The following PDE4D variants were observed in gnomAD, a reference collection of about 807,000 sequenced individuals.
PDE4D encodes the protein phosphodiesterase 4D.
Under a neutral mutation model 87.4 loss-of-function variants are expected in PDE4D, and 24 were observed. That is an observed-to-expected ratio of 0.27 (90% CI 0.20 to 0.39). The LOEUF (loss-of-function observed/expected upper bound fraction) is 0.39. PDE4D is among the 10% of genes least tolerant of loss of function. PDE4D has a pLI of 1.00. For missense variants in PDE4D, 714 were observed against 1,041.0 expected (o/e 0.69, Z 4.32); for synonymous variants, 384 against 383.2 (o/e 1.00, Z -0.02).
chr5:60,290,775 C>T (rs1409205155), intron 1 of PDE4D, among the ~76,000 whole-genome samples: 1 of 152,066 alleles, frequency 6.6e-6, no homozygotes, highest in East Asian at 1.9e-4. Flanking sequence ...CACTGCACTG[C>T]AGCCTAGGCA....
chr5:59,056,475 C>T (rs1762383408), intron 5 of PDE4D, among the ~76,000 whole-genome samples: 1 of 152,000 alleles, frequency 6.6e-6, no homozygotes, highest in South Asian at 2.1e-4. Flanking sequence ...GATACATGTG[C>T]AGAACGTGCA....
chr5:60,124,008 C>A (rs1170506804), intron 2 of PDE4D, among the ~76,000 whole-genome samples: 1 of 151,872 alleles, frequency 6.6e-6, no homozygotes, highest in Non-Finnish European at 1.5e-5. Context: ...TTTCAAATTC[C>A]CATGGTGGTA....
chr5:60,496,952 T>C (rs1341297185), intron 1 of PDE4D, among the ~76,000 whole-genome samples: 2 of 152,236 alleles, frequency 1.3e-5, no homozygotes, highest in African/African-American at 4.8e-5. Flanking sequence ...ATCATTTTAT[T>C]GACTATGCAG....
At chr5:59,656,278 TCACATATATA>T (rs1744344621) in intron 1 of PDE4D, among the ~76,000 whole-genome samples, 2 of 152,020 alleles carry the variant, frequency 1.3e-5, no homozygotes, top group South Asian at 4.2e-4. Context: ...TACAATAAAC[TCACATATATA>T]CACACTCACA....
chr5:59,688,957 C>G (rs189777956), intron 1 of PDE4D, among the ~76,000 whole-genome samples: 15 of 152,292 alleles, frequency 9.8e-5, no homozygotes, highest in Non-Finnish European at 1.8e-4. Flanking sequence ...TGCAAATAAA[C>G]TAGAAAATCT....
intron 2 of PDE4D, among the ~76,000 whole-genome samples, chr5:60,119,195 T>C (rs1778438977): frequency 1.3e-5 from 2 of 152,200 alleles, no homozygotes; most frequent in African/African-American, 4.8e-5. Context: ...ATATTAACCT[T>C]ATGCTCACAT....
chr5:59,564,441 A>G (rs1208252867), intron 1 of PDE4D, among the ~76,000 whole-genome samples: 1 of 152,198 alleles, frequency 6.6e-6, no homozygotes, highest in Non-Finnish European at 1.5e-5. Flanking sequence ...AGCCATGAAG[A>G]GTTGCCATGT....
At chr5:59,617,632 T>C (rs892148939) in intron 1 of PDE4D, among the ~76,000 whole-genome samples, 6 of 152,154 alleles carry the variant, frequency 3.9e-5, no homozygotes, top group Non-Finnish European at 7.3e-5. Context: ...AGGAACACTA[T>C]GTGAAGACTG....
chr5:59,960,961 CA>C (rs1021522883), intron 3 of PDE4D, among the ~76,000 whole-genome samples: 6 of 152,264 alleles, frequency 3.9e-5, no homozygotes, highest in Admixed American at 3.9e-4. Context: ...GTACCTACCT[CA>C]GCATCTGGCA....
At chr5:60,249,012 C>A (rs1015010932) in intron 1 of PDE4D, among the ~76,000 whole-genome samples, 1 of 152,006 alleles carries the variant, frequency 6.6e-6, no homozygotes, top group African/African-American at 2.4e-5. Context: ...CTGTTTCTTG[C>A]CAAAGACTGT....
At chr5:60,012,419 G>T (rs1316016609) in intron 2 of PDE4D, among the ~76,000 whole-genome samples, 1 of 152,164 alleles carries the variant, frequency 6.6e-6, no homozygotes, top group Non-Finnish European at 1.5e-5. Flanking sequence ...AAAGTACAAT[G>T]TGACTTTATA....
intron 1 of PDE4D, among the ~76,000 whole-genome samples, chr5:60,283,503 G>A (rs1752136188): frequency 6.6e-6 from 1 of 152,198 alleles, no homozygotes; most frequent in African/African-American, 2.4e-5. Flanking sequence ...ATGCTCTACT[G>A]AAAAGTTTTT....
chr5:59,711,505 C>T (rs1396755946), intron 1 of PDE4D, among the ~76,000 whole-genome samples: 1 of 152,080 alleles, frequency 6.6e-6, no homozygotes, highest in Non-Finnish European at 1.5e-5. Flanking sequence ...CTCTTCACTC[C>T]CTTCAAATTG....
chr5:59,271,466 G>A (rs976631853), intron 1 of PDE4D, among the ~76,000 whole-genome samples: 7 of 152,056 alleles, frequency 4.6e-5, no homozygotes, highest in Non-Finnish European at 8.8e-5. Flanking sequence ...GGGTTAATGG[G>A]TTATTTTCCT....
chr5:60,013,051 C>A (rs1305788539), intron 2 of PDE4D, among the ~76,000 whole-genome samples: 1 of 152,106 alleles, frequency 6.6e-6, no homozygotes, highest in Non-Finnish European at 1.5e-5. Flanking sequence ...GGATTTCTTG[C>A]CTGTGTCCCT....
At chr5:59,274,654 G>A (rs1005379762) in intron 1 of PDE4D, among the ~76,000 whole-genome samples, 2 of 151,938 alleles carry the variant, frequency 1.3e-5, no homozygotes, top group Non-Finnish European at 2.9e-5. Flanking sequence ...TTACTTTGTT[G>A]GAAAATACTC....
intron 2 of PDE4D, among the ~76,000 whole-genome samples, chr5:60,149,909 A>G (rs566377573): frequency 5.9e-4 from 87 of 147,432 alleles, no homozygotes; most frequent in African/African-American, 1.7e-3. Context: ...ATACTAGTAT[A>G]TAATTTATAT....
At chr5:59,551,809 TAA>T (rs1818168150) in intron 1 of PDE4D, among the ~76,000 whole-genome samples, 1 of 152,192 alleles carries the variant, frequency 6.6e-6, no homozygotes, top group African/African-American at 2.4e-5. Flanking sequence ...TAGCATTAGT[TAA>T]GACATTTTTG....
chr5:59,496,157 C>T (rs1807149685), intron 1 of PDE4D, among the ~76,000 whole-genome samples: 1 of 152,100 alleles, frequency 6.6e-6, no homozygotes, highest in Non-Finnish European at 1.5e-5. Flanking sequence ...GCAGCCCGGG[C>T]TCTCCTATGA....
Sources: allele counts gnomAD v4.1 joint callset (sites outside exome capture counted in the v4.1 genomes callset), GRCh38; gene constraint gnomAD v4.1.1; transcripts MANE v1.5; gene names NCBI Gene and HGNC (gene_info 2026-07-23, HGNC 2026-07-21).